NMRK2: variants seen among roughly 807,000 people sequenced by gnomAD.
The protein encoded by NMRK2 is NRK 2.
Under a neutral mutation model 24.7 loss-of-function variants are expected in NMRK2, and 34 were observed. The observed-to-expected ratio is 1.37, with a 90% confidence interval of 1.05 to 1.83. NMRK2 has a LOEUF of 1.83. Among genes scored for constraint, NMRK2 ranks in the 40% most tolerant of loss-of-function variants. The pLI is 0.00. For missense variants in NMRK2, 341 were observed against 315.0 expected (o/e 1.08, Z -0.62); for synonymous variants, 145 against 125.6 (o/e 1.15, Z -1.03).
In NMRK2 at chr19:3,938,620, A is replaced by G. The variant is rs1380927924; in HGVS notation, c.184A>G (p.Met62Val). 2 of 1,592,338 alleles carry G rather than the reference A, an allele frequency of 1.3e-6. No individual in the cohort carries two copies. The highest frequency in any genetic ancestry group is 1.7e-5 in the Admixed American group (1 of 58,056). ...TTCCCCAGTGCTGGAGTCTCTGGAC[A>G]TGGAGGCCATGCTGGACACCGTGCA... ...KQWDVLESLD[M>V]EAMLDTVQAW... Residue 62 changes from methionine to valine, a missense_variant, in exon 5 of 8, where the codon ATG becomes GTG. By Grantham distance (21) the Met-to-Val change is conservative. Coordinates refer to ENST00000168977, the MANE Select transcript of NMRK2 (RefSeq NM_170678.3).
At chr19:3,941,246 CAT>C in intron 7 of NMRK2, 69 bp downstream of exon 7, 1 of 716,938 alleles carries the variant, frequency 1.4e-6, no homozygotes, top group Non-Finnish European at 2.2e-6. Flanking sequence ...AGCCCCTCTC[CAT>C]CTTTTTTTTT....
At chr19:3,934,706 C>G (rs894942090) in intron 2 of NMRK2, among the ~76,000 whole-genome samples, 1 of 151,902 alleles carries the variant, frequency 6.6e-6, no homozygotes, top group Non-Finnish European at 1.5e-5. Flanking sequence ...CTCAGCCTCC[C>G]AAGTAGCTGG....
rs147412402 is a variant in NMRK2, at chr19:3,938,647, G to T, written c.211G>T (p.Ala71Ser). 1 of 1,610,904 alleles carries T rather than the reference G, an allele frequency of 6.2e-7. No homozygotes were observed. The highest frequency in any genetic ancestry group is 1.3e-5 in the African/African-American group (1 of 74,786). The change falls in exon 5 of 8, where the codon GCC (alanine) becomes TCC (serine). Residue 71 changes from alanine to serine, a missense_variant. By Grantham distance (99) the Ala-to-Ser change is moderately conservative. Coordinates refer to ENST00000168977, the MANE Select transcript of NMRK2 (RefSeq NM_170678.3). ...DMEAMLDTVQ[A>S]WLSSPQKFAR... Reference sequence around the variant, plus strand: ...GGAGGCCATGCTGGACACCGTGCAGGCCTGGCTGAGCAGCCCGCAGAAGTT... The same window carrying T: ...GGAGGCCATGCTGGACACCGTGCAGTCCTGGCTGAGCAGCCCGCAGAAGTT...
At chr19:3,937,150 C>A in intron 3 of NMRK2, 90 bp from the exon 4 acceptor site, 1 of 1,345,398 alleles carries the variant, frequency 7.4e-7, no homozygotes, top group Non-Finnish European at 1.1e-6. Flanking sequence ...TCAGCAGCTC[C>A]AGCAAGGGAC....
In NMRK2 at chr19:3,942,352, G is replaced by A. The variant is rs1016639701; in HGVS notation, c.*79G>A. 7.3e-7 allele frequency: 1 copy of A among 1,376,002 alleles called. No individual in the cohort carries two copies. Among genetic ancestry groups the A allele is most frequent in the Admixed American group, 2.3e-5 (1 of 44,158 alleles). The allele number at this position is 1,376,002 out of a possible 1,614,324, so 85.2% of individuals were successfully genotyped here. On this transcript the variant is annotated 3_prime_UTR_variant, in exon 8 of 8. Transcript: ENST00000168977. Reference sequence around the variant, plus strand: ...TTGGGCGTCCCGGAGCTCAGGGACTGAGCCCCAAGACGCCTCTGTAACCTC... The same window carrying A: ...TTGGGCGTCCCGGAGCTCAGGGACTAAGCCCCAAGACGCCTCTGTAACCTC...
intron 6 of NMRK2, among the ~76,000 whole-genome samples, chr19:3,940,212 T>C (rs2039306899): frequency 6.8e-6 from 1 of 146,008 alleles, no homozygotes; most frequent in Admixed American, 6.9e-5. Flanking sequence ...TCGGGCGTAG[T>C]GGCGTGCACC....
chr19:3,933,520 GCCGCCTCCCCC>G lies in NMRK2; in HGVS notation c.-151_-141del. 1 of 791,288 alleles carries G rather than the reference GCCGCCTCCCCC, an allele frequency of 1.3e-6. No individual in the cohort carries two copies. The highest frequency in any genetic ancestry group is 1.9e-6 in the Non-Finnish European group (1 of 532,548). The allele number at this position is 791,288 out of a possible 1,614,324, so 49.0% of individuals were successfully genotyped here. ...CGGCGCCTCCGCCCCATCCCCAGGGGCCGCCTCCCCCGGGGCGGCCTCCAGGCTGCCGAGAC... is the reference window on the plus strand; with the variant it reads ...CGGCGCCTCCGCCCCATCCCCAGGGGGGGGCGGCCTCCAGGCTGCCGAGAC... On this transcript the variant is annotated 5_prime_UTR_variant, in exon 2 of 8. Coordinates refer to ENST00000168977, the MANE Select transcript of NMRK2 (RefSeq NM_170678.3).
chr19:3,938,904 A>G (rs2039276562), intron 5 of NMRK2, 145 bp downstream of exon 5: 1 of 626,048 alleles, frequency 1.6e-6, no homozygotes, highest in Non-Finnish European at 2.4e-6. Flanking sequence ...GCTGGAGTGC[A>G]GTGGTGAGAT....
chr19:3,940,115 G>A (rs2039304170), intron 6 of NMRK2, 144 bp downstream of exon 6: 2 of 691,032 alleles, frequency 2.9e-6, no homozygotes, highest in Non-Finnish European at 5.0e-6. Context: ...CGGAGGCTGA[G>A]GCAGGTGGAT....
intron 2 of NMRK2, among the ~76,000 whole-genome samples, chr19:3,935,457 G>A (rs1168495050): frequency 1.3e-5 from 2 of 151,376 alleles, no homozygotes; most frequent in Non-Finnish European, 2.9e-5. Flanking sequence ...GGTTTCACCA[G>A]GTTGGCCAGT....
Position 3,936,630 on chromosome 19 carries a change from A to G in NMRK2, c.82A>G (p.Asn28Asp). Reference sequence around the variant, plus strand: ...CAACAGCCTGCTCAGAGCCCTGCCCAACTGCTGCGTGATCCATCAGGATGA... The same window carrying G: ...CAACAGCCTGCTCAGAGCCCTGCCCGACTGCTGCGTGATCCATCAGGATGA... ...LTNSLLRALPNCCVIHQDDFF... is the reference protein window; with the variant it reads ...LTNSLLRALPDCCVIHQDDFF... Residue 28 changes from asparagine to aspartate, a missense_variant, in exon 3 of 8, where the codon AAC becomes GAC. Physicochemically the swap from Asn to Asp is conservative, Grantham distance 23. Coordinates refer to ENST00000168977, the MANE Select transcript of NMRK2 (RefSeq NM_170678.3). 1 of 1,574,298 alleles carries G rather than the reference A, an allele frequency of 6.4e-7. No homozygotes were observed. The highest frequency in any genetic ancestry group is 8.6e-7 in the Non-Finnish European group (1 of 1,160,114).
At chr19:3,942,022 G>T in intron 7 of NMRK2, 61 bp from the exon 8 acceptor site, 1 of 1,411,814 alleles carries the variant, frequency 7.1e-7, no homozygotes, top group Non-Finnish European at 9.9e-7. Flanking sequence ...CCGTCCACTC[G>T]TCCCCCCGTG....
At chr19:3,939,791 C>A in intron 5 of NMRK2, 109 bp from the exon 6 acceptor site, 1 of 910,952 alleles carries the variant, frequency 1.1e-6, no homozygotes, top group Non-Finnish European at 1.7e-6. Context: ...GCCCAGACCA[C>A]CCCATGTGCT....
Position 3,933,515 on chromosome 19 carries a change from CA to C in NMRK2, c.-156del. 1 of 747,542 alleles carries C rather than the reference CA, an allele frequency of 1.3e-6. No individual in the cohort carries two copies. Among genetic ancestry groups the C allele is most frequent in the Non-Finnish European group, 2.0e-6 (1 of 493,402 alleles). The allele number at this position is 747,542 out of a possible 1,614,324, so 46.3% of individuals were successfully genotyped here. A position where few individuals can be genotyped will look rare whatever the true frequency, so the allele number is the denominator to read the frequency against. ...GGTGCCGGCGCCTCCGCCCCATCCC[CA>C]GGGGCCGCCTCCCCCGGGGCGGCCT... On this transcript the variant is annotated 5_prime_UTR_variant, in exon 2 of 8. Transcript: ENST00000168977.
At chr19:3,938,830 TTTTTTTTTTTTTTGTTTTG>T (rs1568180820) in intron 5 of NMRK2, 71 bp downstream of exon 5, 26 of 578,512 alleles carry the variant, frequency 4.5e-5, no homozygotes, top group African/African-American at 2.3e-4. Context: ...TTGTTTTTTT[TTTTTTTTTTTTTTGTTTTG>T]TTTTTTTTTT....
At chr19:3,935,419 C>A (rs2039197552) in intron 2 of NMRK2, among the ~76,000 whole-genome samples, 1 of 151,776 alleles carries the variant, frequency 6.6e-6, no homozygotes, top group Non-Finnish European at 1.5e-5. Context: ...CTACGCCCAG[C>A]TAATTTTTGT....
rs1028127673 is a variant in NMRK2, at chr19:3,936,473, A to G, written c.27-102A>G. 17 of 691,354 alleles carry G rather than the reference A, an allele frequency of 2.5e-5. No homozygotes were observed. The African/African-American group carries it at 2.6e-4, about 10-fold the overall frequency. The allele number at this position is 691,354 out of a possible 1,614,324, so 42.8% of individuals were successfully genotyped here. On this transcript the variant is annotated intron_variant, in intron 2 of 7. Coordinates refer to ENST00000168977, the MANE Select transcript of NMRK2 (RefSeq NM_170678.3). The stretch of plus-strand genomic sequence containing the variant: ...TTTGCAGGAAGACCCTGAGACATGG[A>G]CAGGCCCCGGGGAGCCCAGGCTGCA...
chr19:3,933,670 G>T lies in NMRK2; in HGVS notation c.-2G>T, dbSNP rs767954447. On this transcript the variant is annotated 5_prime_UTR_variant, in exon 2 of 8. Coordinates refer to ENST00000168977, the MANE Select transcript of NMRK2 (RefSeq NM_170678.3). ...TCGTCCCCGCCGCCCCTCCGCACCG[G>T]CATGAAGCTCATCGTGGGCATCGGA... is the stretch of plus-strand genomic sequence containing the variant. 32 of 1,505,176 alleles carry T rather than the reference G, an allele frequency of 2.1e-5. No individual in the cohort carries two copies. The highest frequency in any genetic ancestry group is 2.7e-5 in the Non-Finnish European group (30 of 1,127,912). The allele number at this position is 1,505,176 out of a possible 1,614,324, so 93.2% of individuals were successfully genotyped here. A position where few individuals can be genotyped will look rare whatever the true frequency, so the allele number is the denominator to read the frequency against.
chr19:3,936,722 G>C, intron 3 of NMRK2, 57 bp downstream of exon 3: 2 of 1,436,726 alleles, frequency 1.4e-6, no homozygotes, highest in Non-Finnish European at 1.9e-6. Context: ...TGGGCAGCCA[G>C]GCCCGGCCAG....
Sources: allele counts gnomAD v4.1 joint callset (sites outside exome capture counted in the v4.1 genomes callset), GRCh38; gene constraint gnomAD v4.1.1; transcripts MANE v1.5; gene names NCBI Gene and HGNC (gene_info 2026-07-23, HGNC 2026-07-21).